KCNMA1: variants seen among roughly 807,000 people sequenced by gnomAD.
KCNMA1 encodes the protein potassium calcium-activated channel subfamily M alpha 1.
A neutral mutation model predicts 140.0 loss-of-function variants in KCNMA1; 29 were observed. The ratio of observed to expected loss-of-function variants is 0.21; its 90% CI spans 0.15 to 0.28. KCNMA1 has a LOEUF of 0.28. KCNMA1 is among the 10% of genes least tolerant of loss of function. The probability of loss-of-function intolerance (pLI) is 1.00; values close to 1 mark genes in which losing one functional copy is unlikely to be tolerated. For synonymous variants in KCNMA1, 612 were observed against 611.9 expected (o/e 1.00, Z 0.00); for missense variants, 880 against 1,602.2 (o/e 0.55, Z 7.70).
intron 14 of KCNMA1, among the ~76,000 whole-genome samples, chr10:77,072,163 G>A (rs1378862291): frequency 1.3e-5 from 2 of 152,170 alleles, no homozygotes; most frequent in African/African-American, 4.8e-5. Context: ...TATTAATTCT[G>A]CTCCTTACAT....
intron 3 of KCNMA1, among the ~76,000 whole-genome samples, chr10:77,246,761 T>C (rs189053858): frequency 3.3e-4 from 51 of 152,250 alleles, no homozygotes; most frequent in African/African-American, 1.1e-3. Context: ...GATGCAAAAG[T>C]AACATTTTAA....
intron 1 of KCNMA1, among the ~76,000 whole-genome samples, chr10:77,528,467 G>A (rs193056922): frequency 1.4e-4 from 22 of 152,074 alleles, no homozygotes; most frequent in Admixed American, 5.2e-4. Flanking sequence ...AAAATTAGCC[G>A]GGTGTGATGG....
intron 19 of KCNMA1, among the ~76,000 whole-genome samples, chr10:76,996,998 C>T (rs1186933188): frequency 6.6e-6 from 1 of 152,022 alleles, no homozygotes; most frequent in Non-Finnish European, 1.5e-5. Context: ...TAGACATTTT[C>T]CTAGAGCTGT....
intron 2 of KCNMA1, among the ~76,000 whole-genome samples, chr10:77,348,987 T>G (rs2092552480): frequency 6.6e-6 from 1 of 152,224 alleles, no homozygotes; most frequent in African/African-American, 2.4e-5. Flanking sequence ...GAAAGCTTTT[T>G]GTAAGATTAT....
chr10:77,495,675 A>G (rs2041642430), intron 1 of KCNMA1, among the ~76,000 whole-genome samples: 1 of 152,162 alleles, frequency 6.6e-6, no homozygotes. Flanking sequence ...CTTCCACCTC[A>G]TGGAGCTGGC....
chr10:77,633,407 G>A (rs760193746), intron 1 of KCNMA1, among the ~76,000 whole-genome samples: 3 of 152,070 alleles, frequency 2.0e-5, no homozygotes, highest in Admixed American at 6.5e-5. Context: ...GAGCTCCCCC[G>A]TGACTAGGAC....
At chr10:76,967,972 AC>A (rs1008913999) in intron 20 of KCNMA1, among the ~76,000 whole-genome samples, 7 of 152,092 alleles carry the variant, frequency 4.6e-5, no homozygotes, top group Non-Finnish European at 7.4e-5. Context: ...CTTTTCAAAA[AC>A]CCACAGCCAA....
intron 17 of KCNMA1, among the ~76,000 whole-genome samples, chr10:77,018,736 T>C (rs186729286): frequency 2.9e-4 from 44 of 152,332 alleles, no homozygotes; most frequent in Admixed American, 1.8e-3. Flanking sequence ...GGAATCAGGA[T>C]GACCTCGAGC....
In KCNMA1 at chr10:76,884,956, G is replaced by A; in HGVS notation, c.*2310C>T. On this transcript the variant is annotated 3_prime_UTR_variant, in exon 28 of 28. Transcript: ENST00000286628. ...GTTATAGAAGAAAACCCCCAGCAGT[G>A]GCTAGGTCATGCAGAACCATTAATT... 4 of 1,538,182 alleles carry A rather than the reference G, an allele frequency of 2.6e-6. No homozygotes were observed. Among genetic ancestry groups the A allele is most frequent in the East Asian group, 2.5e-5 (1 of 40,174 alleles).
intron 14 of KCNMA1, among the ~76,000 whole-genome samples, chr10:77,070,207 G>T (rs779214062): frequency 1.3e-5 from 2 of 152,058 alleles, no homozygotes; most frequent in Non-Finnish European, 2.9e-5. Context: ...AGTGGAAGTG[G>T]CTCACACCTA....
chr10:77,636,920 C>G, intron 1 of KCNMA1: 1 of 1,420,362 alleles, frequency 7.0e-7, no homozygotes, highest in Non-Finnish European at 9.1e-7. Context: ...TCCTCCGTCC[C>G]CGCTGAGTTG....
At chr10:77,572,569 CATAT>C (rs56706119) in intron 1 of KCNMA1, among the ~76,000 whole-genome samples, 1,880 of 37,514 alleles carry the variant, frequency 0.05, 139 homozygotes, top group East Asian at 0.18. Context: ...AAAAAAAATC[CATAT>C]ATATATATAT....
At chr10:77,414,016 T>C (rs1249646744) in intron 1 of KCNMA1, among the ~76,000 whole-genome samples, 1 of 152,192 alleles carries the variant, frequency 6.6e-6, no homozygotes, top group African/African-American at 2.4e-5. Context: ...TTCTCACTCT[T>C]AGAAGCACCC....
chr10:77,531,372 C>A (rs2057570374), intron 1 of KCNMA1, among the ~76,000 whole-genome samples: 1 of 152,166 alleles, frequency 6.6e-6, no homozygotes, highest in Non-Finnish European at 1.5e-5. Context: ...AGCTGACAGC[C>A]AGCATACTGA....
intron 1 of KCNMA1, among the ~76,000 whole-genome samples, chr10:77,508,610 C>A (rs375637100): frequency 5.8e-5 from 4 of 69,496 alleles, no homozygotes; most frequent in African/African-American, 2.6e-4. Context: ...TAGAGGTGCT[C>A]TCTCCCTCTC....
At chr10:77,468,709 T>C (rs2098087299) in intron 1 of KCNMA1, among the ~76,000 whole-genome samples, 1 of 152,216 alleles carries the variant, frequency 6.6e-6, no homozygotes, top group Admixed American at 6.5e-5. Context: ...TTCTGTTGTG[T>C]AAGCCACCTG....
chr10:77,416,222 G>A (rs554002080), intron 1 of KCNMA1, among the ~76,000 whole-genome samples: 1 of 152,228 alleles, frequency 6.6e-6, no homozygotes, highest in African/African-American at 2.4e-5. Flanking sequence ...ACTAGCCAGA[G>A]GCAGCCTTGG....
At chr10:77,338,994 G>A (rs1253128577) in intron 2 of KCNMA1, among the ~76,000 whole-genome samples, 1 of 151,984 alleles carries the variant, frequency 6.6e-6, no homozygotes, top group Non-Finnish European at 1.5e-5. Flanking sequence ...TTCTCAATGG[G>A]GGCAAAGTCT....
chr10:77,609,367 T>A (rs989331186), intron 1 of KCNMA1, among the ~76,000 whole-genome samples: 2 of 152,330 alleles, frequency 1.3e-5, no homozygotes, highest in African/African-American at 4.8e-5. Flanking sequence ...TACTACGTGA[T>A]CTAATTTATA....
Sources: allele counts gnomAD v4.1 joint callset (sites outside exome capture counted in the v4.1 genomes callset), GRCh38; gene constraint gnomAD v4.1.1; transcripts MANE v1.5; gene names NCBI Gene and HGNC (gene_info 2026-07-23, HGNC 2026-07-21).